Variants in TBC1D5 observed in about 807,000 individuals in gnomAD.
TBC1D5 encodes the protein TBC1 domain family member 5.
TBC1D5 carries 75 observed loss-of-function variants against 100.3 expected under a neutral mutation model. That is an observed-to-expected ratio of 0.75 (90% CI 0.62 to 0.91). TBC1D5 has a LOEUF of 0.91. TBC1D5 is among the 40% of genes least tolerant of loss of function. TBC1D5 has a pLI of 0.00. For missense variants in TBC1D5, 910 were observed against 942.4 expected, an observed-to-expected ratio of 0.97 and a Z score of 0.45; for synonymous variants, 323 against 325.6, an observed-to-expected ratio of 0.99 and a Z score of 0.09.
intron 2 of TBC1D5, among the ~76,000 whole-genome samples, chr3:17,518,662 C>T (rs1291960240): frequency 6.6e-6 from 1 of 152,262 alleles, no homozygotes; most frequent in Non-Finnish European, 1.5e-5. Context: ...ATACAAAAGG[C>T]TGTCACACTG....
chr3:17,356,265 A>T (rs1438664911), intron 13 of TBC1D5, among the ~76,000 whole-genome samples: 1 of 152,214 alleles, frequency 6.6e-6, no homozygotes, highest in Non-Finnish European at 1.5e-5. Flanking sequence ...TTGCTGAAAT[A>T]GCAGGGTGAA....
chr3:17,558,894 G>T (rs1379660626), intron 2 of TBC1D5, among the ~76,000 whole-genome samples: 1 of 151,982 alleles, frequency 6.6e-6, no homozygotes, highest in Non-Finnish European at 1.5e-5. Flanking sequence ...TGGTTTGTAG[G>T]TTGTACAAAA....
chr3:17,356,993 A>AT (rs1386319890), intron 13 of TBC1D5, among the ~76,000 whole-genome samples: 1 of 105,690 alleles, frequency 9.5e-6, no homozygotes, highest in Non-Finnish European at 1.9e-5. Context: ...CTGTTTTGTG[A>AT]TAAAAAAAAA....
At chr3:17,538,017 A>C (rs2096301824) in intron 2 of TBC1D5, among the ~76,000 whole-genome samples, 1 of 152,196 alleles carries the variant, frequency 6.6e-6, no homozygotes, top group African/African-American at 2.4e-5. Flanking sequence ...AAGATGTGTA[A>C]TGATTCAGTC....
chr3:17,696,079 C>A (rs967595553), intron 1 of TBC1D5, among the ~76,000 whole-genome samples: 1 of 152,154 alleles, frequency 6.6e-6, no homozygotes, highest in Non-Finnish European at 1.5e-5. Context: ...GTACCAGAAT[C>A]TCTGGGACAT....
chr3:17,658,936 G>T (rs534923723), intron 1 of TBC1D5, among the ~76,000 whole-genome samples: 1 of 152,192 alleles, frequency 6.6e-6, no homozygotes, highest in African/African-American at 2.4e-5. Context: ...GGGATTACAG[G>T]TGTGAGTCAC....
chr3:17,461,647 T>G (rs1223920247), intron 3 of TBC1D5, among the ~76,000 whole-genome samples: 1 of 150,492 alleles, frequency 6.6e-6, no homozygotes, highest in Non-Finnish European at 1.5e-5. Flanking sequence ...TGTGTATGTG[T>G]GTGTGCATGT....
At chr3:17,180,427 C>G (rs920102992) in intron 19 of TBC1D5, among the ~76,000 whole-genome samples, 1 of 152,170 alleles carries the variant, frequency 6.6e-6, no homozygotes, top group Non-Finnish European at 1.5e-5. Context: ...GTTATAAAAA[C>G]AGCCTTAAAT....
chr3:17,575,171 T>G (rs1264388002), intron 2 of TBC1D5: 1 of 151,870 alleles, frequency 6.6e-6, no homozygotes, highest in Non-Finnish European at 1.5e-5. Flanking sequence ...ACAAAAAAAT[T>G]TTTTTAATTA....
intron 21 of TBC1D5, among the ~76,000 whole-genome samples, chr3:17,164,595 T>A (rs1407082871): frequency 6.6e-6 from 1 of 152,232 alleles, no homozygotes; most frequent in African/African-American, 2.4e-5. Context: ...TGGCGCATGT[T>A]CCTGGGGGTA....
intron 15 of TBC1D5, among the ~76,000 whole-genome samples, chr3:17,273,084 G>A (rs557386379): frequency 1.1e-4 from 17 of 151,846 alleles, no homozygotes; most frequent in Non-Finnish European, 1.9e-4. Context: ...CCCCTTCAAT[G>A]CGTACCCTAA....
chr3:17,397,953 A>T (rs550196719), intron 8 of TBC1D5, among the ~76,000 whole-genome samples: 1 of 152,188 alleles, frequency 6.6e-6, no homozygotes, highest in Admixed American at 6.6e-5. Flanking sequence ...GCAATAGCTT[A>T]TAAATATGTT....
At chr3:17,687,712 G>A (rs979483970) in intron 1 of TBC1D5, among the ~76,000 whole-genome samples, 1 of 152,150 alleles carries the variant, frequency 6.6e-6, no homozygotes, top group African/African-American at 2.4e-5. Flanking sequence ...CAGGCAGCAG[G>A]AAGAAGTCTG....
At chr3:17,285,603 G>A (rs1314976840) in intron 15 of TBC1D5, among the ~76,000 whole-genome samples, 1 of 152,114 alleles carries the variant, frequency 6.6e-6, no homozygotes, top group African/African-American at 2.4e-5. Flanking sequence ...AGATTACAAT[G>A]GCATTAAGGA....
At chr3:17,184,168 G>A (rs2068749319) in intron 19 of TBC1D5, among the ~76,000 whole-genome samples, 1 of 152,194 alleles carries the variant, frequency 6.6e-6, no homozygotes, top group African/African-American at 2.4e-5. Flanking sequence ...TCTAATGTGA[G>A]ATATAGCACC....
intron 18 of TBC1D5, among the ~76,000 whole-genome samples, chr3:17,191,170 T>C (rs756058230): frequency 4.6e-5 from 7 of 152,190 alleles, no homozygotes; most frequent in Non-Finnish European, 8.8e-5. Context: ...CAAGCTGGAA[T>C]ATAAATCACA....
At chr3:17,462,341 T>TTTTTTA (rs2095228761) in intron 3 of TBC1D5, among the ~76,000 whole-genome samples, 6 of 150,262 alleles carry the variant, frequency 4.0e-5, no homozygotes, top group African/African-American at 1.5e-4. Context: ...TTTTTTTTTT[T>TTTTTTA]GAGCCAGGGT....
intron 13 of TBC1D5, among the ~76,000 whole-genome samples, chr3:17,323,632 A>C (rs1292505887): frequency 6.6e-6 from 1 of 152,182 alleles, no homozygotes; most frequent in Non-Finnish European, 1.5e-5. Context: ...AATATAAAAA[A>C]TAAATGTAAT....
At chr3:17,407,810 A>G (rs182448392) in intron 4 of TBC1D5, among the ~76,000 whole-genome samples, 5 of 152,228 alleles carry the variant, frequency 3.3e-5, no homozygotes, top group Admixed American at 6.5e-5. Flanking sequence ...TCTGGCTAAG[A>G]TTGCTAAATG....
Sources: allele counts gnomAD v4.1 joint callset (sites outside exome capture counted in the v4.1 genomes callset), GRCh38; gene constraint gnomAD v4.1.1; transcripts MANE v1.5; gene names NCBI Gene and HGNC (gene_info 2026-07-23, HGNC 2026-07-21).